Variants in RNGTT observed in about 807,000 individuals in gnomAD.
RNGTT encodes the protein RNA guanylyltransferase and 5'-phosphatase, also known as mRNA-capping enzyme.
RNGTT carries 33 observed loss-of-function variants against 79.3 expected under a neutral mutation model. The ratio of observed to expected loss-of-function variants is 0.42; its 90% confidence interval spans 0.32 to 0.56. The LOEUF is 0.56. Among genes scored for constraint, RNGTT ranks in the 20% least tolerant of loss-of-function variants. The pLI is 0.17. For synonymous variants in RNGTT, 222 were observed against 235.9 expected, an observed-to-expected ratio of 0.94 and a Z score of 0.54; for missense variants, 497 against 739.1, an observed-to-expected ratio of 0.67 and a Z score of 3.80.
chr6:88,617,042 G>A (rs1772254909), intron 14 of RNGTT, among the ~76,000 whole-genome samples: 1 of 152,228 alleles, frequency 6.6e-6, no homozygotes, highest in South Asian at 2.1e-4. Context: ...GGAGGCCGAG[G>A]TGGGCAGATC....
intron 8 of RNGTT, among the ~76,000 whole-genome samples, chr6:88,888,888 G>T (rs1233982047): frequency 6.6e-6 from 1 of 152,160 alleles, no homozygotes; most frequent in Non-Finnish European, 1.5e-5. Flanking sequence ...AATAAGCCAG[G>T]TGTGGTGGCA....
intron 13 of RNGTT, among the ~76,000 whole-genome samples, chr6:88,757,715 T>G (rs1778067567): frequency 6.6e-6 from 1 of 152,152 alleles, no homozygotes; most frequent in South Asian, 2.1e-4. Context: ...TCAATGAAAG[T>G]AGGAACAAAT....
intron 12 of RNGTT, among the ~76,000 whole-genome samples, chr6:88,781,990 T>C (rs1331995462): frequency 6.6e-6 from 1 of 151,878 alleles, no homozygotes; most frequent in Admixed American, 6.6e-5. Flanking sequence ...GGTTAGATGG[T>C]TTACTGAAAA....
At chr6:88,810,085 T>C (rs1157432770) in intron 11 of RNGTT, among the ~76,000 whole-genome samples, 3 of 151,718 alleles carry the variant, frequency 2.0e-5, no homozygotes, top group Non-Finnish European at 2.9e-5. Flanking sequence ...ATTTTTATAA[T>C]AAAAAAAATT....
At chr6:88,668,740 A>G (rs944766337) in intron 14 of RNGTT, among the ~76,000 whole-genome samples, 2 of 152,182 alleles carry the variant, frequency 1.3e-5, no homozygotes, top group African/African-American at 4.8e-5. Context: ...CTCATGAAAG[A>G]TACAAGTAAA....
intron 13 of RNGTT, among the ~76,000 whole-genome samples, chr6:88,754,412 T>C (rs1393102074): frequency 6.6e-6 from 1 of 151,894 alleles, no homozygotes; most frequent in Non-Finnish European, 1.5e-5. Context: ...CTTTACAGAG[T>C]AGAGGATGTA....
At chr6:88,744,010 T>C (rs1470852871) in intron 13 of RNGTT, among the ~76,000 whole-genome samples, 1 of 152,194 alleles carries the variant, frequency 6.6e-6, no homozygotes, top group African/African-American at 2.4e-5. Flanking sequence ...ATTTTGTTGG[T>C]ACTCTTCACC....
intron 13 of RNGTT, among the ~76,000 whole-genome samples, chr6:88,696,783 T>A (rs1418382591): frequency 6.6e-6 from 1 of 152,162 alleles, no homozygotes; most frequent in African/African-American, 2.4e-5. Flanking sequence ...GAAAATTGAC[T>A]ATGGAGTTTT....
intron 2 of RNGTT, among the ~76,000 whole-genome samples, chr6:88,935,410 TC>T (rs1784635094): frequency 6.6e-6 from 1 of 152,158 alleles, no homozygotes; most frequent in South Asian, 2.1e-4. Context: ...CATTTCAGGT[TC>T]CATAAAAATG....
chr6:88,656,457 A>C (rs951850273), intron 14 of RNGTT, among the ~76,000 whole-genome samples: 2 of 151,954 alleles, frequency 1.3e-5, no homozygotes, highest in African/African-American at 4.8e-5. Context: ...CAAATAAAAA[A>C]TTTTCTCTGA....
At chr6:88,746,226 T>C (rs1777653835) in intron 13 of RNGTT, among the ~76,000 whole-genome samples, 1 of 151,978 alleles carries the variant, frequency 6.6e-6, no homozygotes, top group Non-Finnish European at 1.5e-5. Context: ...TTCCAGCAAG[T>C]TTCTTCACAA....
rs796437189 is a variant in RNGTT, at chr6:88,815,989, A to T, written c.1270-14357T>A. ...CTTTGTATCAATTTTAAGCTAGGAC[A>T]GAAAGAGAAAGCTCAAAATCATATA... On this transcript the variant is annotated intron_variant, in intron 11 of 15. Coordinates refer to ENST00000369485, the MANE Select transcript of RNGTT (RefSeq NM_003800.5). 7.2e-5 allele frequency among the ~76,000 whole-genome samples: 11 copies of T among 152,378 alleles called. No homozygotes were observed. The South Asian group carries it at 1.2e-3, about 17-fold the overall frequency.
intron 13 of RNGTT, among the ~76,000 whole-genome samples, chr6:88,719,519 T>C (rs1386625447): frequency 6.6e-6 from 1 of 152,256 alleles, no homozygotes; most frequent in African/African-American, 2.4e-5. Context: ...AATGTTAAAC[T>C]ACCTCTAATC....
chr6:88,819,099 A>G (rs1327601866), intron 11 of RNGTT, among the ~76,000 whole-genome samples: 2 of 152,180 alleles, frequency 1.3e-5, no homozygotes, highest in African/African-American at 2.4e-5. Context: ...CAGTTATTAT[A>G]ACATCTATGA....
At chr6:88,929,295 A>G (rs531114064) in intron 2 of RNGTT, 28 bp from the exon 3 acceptor site, 2 of 1,354,930 alleles carry the variant, frequency 1.5e-6, no homozygotes, top group African/African-American at 2.9e-5. Flanking sequence ...TGAAAGGGCA[A>G]ATTTACTAGT....
chr6:88,726,441 A>T (rs1037752639), intron 13 of RNGTT, among the ~76,000 whole-genome samples: 4 of 149,418 alleles, frequency 2.7e-5, no homozygotes, highest in African/African-American at 1.0e-4. Flanking sequence ...AAGAACTTTA[A>T]AGTATAAGGC....
intron 14 of RNGTT, among the ~76,000 whole-genome samples, chr6:88,669,821 C>T (rs1774560915): frequency 6.6e-6 from 1 of 152,136 alleles, no homozygotes. Flanking sequence ...CCTGAGAAAA[C>T]AGAAGCATAG....
chr6:88,888,136 A>C (rs1437560761), intron 8 of RNGTT, among the ~76,000 whole-genome samples: 1 of 152,074 alleles, frequency 6.6e-6, no homozygotes, highest in African/African-American at 2.4e-5. Context: ...AAGATAATAA[A>C]ATAAATTTCA....
chr6:88,904,573 A>AG (rs1281571844), intron 6 of RNGTT, 142 bp downstream of exon 6: 2 of 1,034,488 alleles, frequency 1.9e-6, no homozygotes, highest in East Asian at 5.6e-5. Context: ...AAAAAAAAAA[A>AG]ATTTTTTTTT....
Sources: allele counts gnomAD v4.1 joint callset (sites outside exome capture counted in the v4.1 genomes callset), GRCh38; gene constraint gnomAD v4.1.1; transcripts MANE v1.5; gene names NCBI Gene and HGNC (gene_info 2026-07-23, HGNC 2026-07-21).